The following PDIA6 variants were observed in gnomAD, a reference collection of about 807,000 sequenced individuals.
PDIA6 encodes protein disulfide-isomerase A6.
In PDIA6, 29 loss-of-function variants were observed where a neutral mutation model predicts 58.4. The ratio of observed to expected loss-of-function variants is 0.50; its 90% CI spans 0.37 to 0.68. The LOEUF (loss-of-function observed/expected upper bound fraction) is 0.68, where lower values mean the gene tolerates loss of function less well. Ranked by LOEUF, PDIA6 falls within the 30% of genes least tolerant of loss-of-function variation. The pLI is 0.00. For missense variants in PDIA6, 480 were observed against 551.0 expected (o/e 0.87, Z 1.29); for synonymous variants, 192 against 202.6 (o/e 0.95, Z 0.44).
At chr2:10,812,916 G>A (rs1192435764), upstream of PDIA6, 3 of 999,650 alleles carry the variant, frequency 3.0e-6, no homozygotes, top group East Asian at 4.6e-5. Context: ...GGAGGCGGCC[G>A]GGTAGAGGTT....
chr2:10,812,630 T>C, intron 1 of PDIA6, 48 bp downstream of exon 1: 1 of 1,495,946 alleles, frequency 6.7e-7, no homozygotes, highest in South Asian at 1.2e-5. Flanking sequence ...TCGAAACCTT[T>C]CAGGCCGACC....
At chr2:10,814,903 T>C (rs1162217518), upstream of PDIA6, among the ~76,000 whole-genome samples, 1 of 152,200 alleles carries the variant, frequency 6.6e-6, no homozygotes, top group Non-Finnish European at 1.5e-5. Flanking sequence ...CCAGTGCCCT[T>C]TGTGTGCTGT....
At chr2:10,787,192 T>C in intron 11 of PDIA6, 89 bp downstream of exon 11, 3 of 1,070,352 alleles carry the variant, frequency 2.8e-6, no homozygotes, top group Admixed American at 2.0e-5. Context: ...ATTTATTACC[T>C]GGCTTATATA....
At chr2:10,824,042 A>C (rs1667479062) in intron 1 of PDIA6, among the ~76,000 whole-genome samples, 1 of 152,142 alleles carries the variant, frequency 6.6e-6, no homozygotes, top group Non-Finnish European at 1.5e-5. Flanking sequence ...TCTCTTACCC[A>C]ACCTTATTTT....
At chr2:10,820,870 C>CT (rs1337156572) in intron 1 of PDIA6, 1 of 702,762 alleles carries the variant, frequency 1.4e-6, no homozygotes, top group Non-Finnish European at 2.6e-6. Context: ...CTCATGGATG[C>CT]TGGGGGTATC....
In PDIA6 at chr2:10,802,515, C is replaced by T. The variant is rs771820742; in HGVS notation, c.145G>A (p.Glu49Lys). 101 of 1,412,870 alleles carry T rather than the reference C, an allele frequency of 7.1e-5. No individual in the cohort carries two copies. Among genetic ancestry groups the T allele is most frequent in the South Asian group, 6.8e-4 (36 of 53,178 alleles). 87.5% of individuals were successfully genotyped at this position (1,412,870 alleles called of 1,614,324 possible). A position where few individuals can be genotyped will look rare whatever the true frequency, so the allele number is the denominator to read the frequency against. The change falls in exon 2 of 13, where the codon GAA becomes AAA. Residue 49 changes from glutamate (E) to lysine (K), a missense_variant. Glu to Lys is a moderately conservative substitution (Grantham distance 56). Transcript: ENST00000272227. ...VIQSDSLWLV[E>K]FYAPWCGHCQ... The stretch of plus-strand genomic sequence containing the variant: ...AATACTTACCATGGAGCATAGAATT[C>T]TACAAGCCACAAACTATCACTCTGA...
At chr2:10,837,675 G>A (rs1667856458) in exon 1 of PDIA6, 1 of 1,512,270 alleles carries the variant, frequency 6.6e-7, no homozygotes, top group African/African-American at 1.4e-5. Flanking sequence ...AGGTGGCAGA[G>A]CTGGGTCTCA....
At chr2:10,832,500 A>C (rs10803729), upstream of PDIA6, 6 of 958,702 alleles carry the variant, frequency 6.3e-6, no homozygotes, top group Non-Finnish European at 7.4e-6. Flanking sequence ...AGTGACAGGA[A>C]GTGACCGCAA....
intron 1 of PDIA6, chr2:10,823,527 T>A (rs773835427): frequency 6.6e-6 from 1 of 152,230 alleles, no homozygotes; most frequent in Non-Finnish European, 1.5e-5. Context: ...CCAAATCTCA[T>A]TGGGTTCTCT....
At chr2:10,790,119 C>T (rs976782527) in intron 7 of PDIA6, among the ~76,000 whole-genome samples, 9 of 151,950 alleles carry the variant, frequency 5.9e-5, no homozygotes, top group Non-Finnish European at 1.3e-4. Flanking sequence ...GCTGGGACTG[C>T]AGGCACACAC....
intron 1 of PDIA6, 69 bp downstream of exon 1, chr2:10,812,609 G>A (rs1667051870): frequency 2.1e-6 from 3 of 1,439,640 alleles, no homozygotes; most frequent in South Asian, 1.3e-5. Flanking sequence ...GCCGGGGAAC[G>A]GCCTAGAGAT....
At position 10,787,358 on chromosome 2, in the gene PDIA6, G is replaced by T. The variant is rs767901466; in HGVS notation, c.1080C>A (p.Ala360=). 5.6e-6 allele frequency: 9 copies of T among 1,614,064 alleles called. No homozygotes were observed. The highest frequency in any genetic ancestry group is 7.6e-6 in the Non-Finnish European group (9 of 1,180,012). ...GIGGFGYPAM[A]AINARKMKFA... The stretch of plus-strand genomic sequence containing the variant: ...ATTTCATCTTGCGTGCATTGATGGC[G>T]GCCATGGCGGGGTACCCAAACCCTC... The change falls in exon 11 of 13, where the codon GCC becomes GCA. Residue 360 remains alanine, a synonymous_variant. Transcript: ENST00000272227.
upstream of PDIA6, among the ~76,000 whole-genome samples, chr2:10,835,401 C>T (rs1667811429): frequency 1.3e-5 from 2 of 152,068 alleles, no homozygotes; most frequent in African/African-American, 2.4e-5. Flanking sequence ...GTTTCCATCG[C>T]GGGCCTTATC....
Position 10,791,818 on chromosome 2 carries a change from A to G in PDIA6, c.561T>C (p.Ala187=). The part of the protein sequence containing the change: ...SEDVWMVEFY[A]PWCGHCKNLE... ...ACTTTTTGCAGTGTCCACACCAAGG[A>G]GCATAGAACTCAACCATCCAAACAT... is the stretch of plus-strand genomic sequence containing the variant. The change falls in exon 6 of 13, where the codon GCT becomes GCC. Residue 187 remains alanine (A), a synonymous_variant. Transcript: ENST00000272227. The G allele has an allele frequency of 6.2e-7, 1 of 1,614,006 alleles. No individual in the cohort carries two copies. Among genetic ancestry groups the G allele is most frequent in the Non-Finnish European group, 8.5e-7 (1 of 1,179,974 alleles).
chr2:10,786,773 TAGCAG>T (rs1338180234), intron 11 of PDIA6, among the ~76,000 whole-genome samples: 3 of 152,234 alleles, frequency 2.0e-5, no homozygotes, highest in Non-Finnish European at 4.4e-5. Context: ...GTGAGCTGAA[TAGCAG>T]AGCAGAGTAG....
chr2:10,814,521 G>A (rs1162845619), upstream of PDIA6, among the ~76,000 whole-genome samples: 2 of 152,330 alleles, frequency 1.3e-5, no homozygotes, highest in Admixed American at 6.5e-5. Flanking sequence ...GGGCGCCTGA[G>A]GGGCAATGAA....
At chr2:10,830,375 G>A (rs1013318236) in intron 1 of PDIA6, among the ~76,000 whole-genome samples, 14 of 152,260 alleles carry the variant, frequency 9.2e-5, no homozygotes, top group Admixed American at 7.2e-4. Flanking sequence ...GTGGAACTCA[G>A]TGAGTTTGCA....
At chr2:10,824,537 A>G (rs1167333311) in intron 1 of PDIA6, among the ~76,000 whole-genome samples, 1 of 152,228 alleles carries the variant, frequency 6.6e-6, no homozygotes, top group Non-Finnish European at 1.5e-5. Flanking sequence ...TTCCAGGGTG[A>G]GCATGTGACA....
exon 1 of PDIA6, chr2:10,837,687 G>A: frequency 6.6e-7 from 1 of 1,509,954 alleles, no homozygotes; most frequent in South Asian, 1.2e-5. Flanking sequence ...TGGGTCTCAA[G>A]CCTGGGCAGC....
Sources: gnomAD v4.1 joint callset for allele counts (sites outside exome capture counted in the v4.1 genomes callset) on GRCh38, gnomAD v4.1.1 for gene constraint, MANE v1.5 for transcripts, NCBI Gene and HGNC (gene_info 2026-07-23, HGNC 2026-07-21) for gene names.